The following VPS13B variants were observed in gnomAD, a reference collection of about 807,000 sequenced individuals.
VPS13B encodes the protein vacuolar protein sorting 13 homolog B.
Under a neutral mutation model 426.4 loss-of-function variants are expected in VPS13B, and 285 were observed. The ratio of observed to expected loss-of-function variants is 0.67; its 90% CI spans 0.61 to 0.74. The LOEUF is 0.74. VPS13B is among the 30% of genes least tolerant of loss of function. VPS13B has a pLI of 0.00. For synonymous variants in VPS13B, 1,676 were observed against 1,676.4 expected, an observed-to-expected ratio of 1.00 and a Z score of 0.01; for missense variants, 4,537 against 4,782.6, an observed-to-expected ratio of 0.95 and a Z score of 1.51.
At chr8:99,735,890 G>C (rs1052805475) in intron 39 of VPS13B, among the ~76,000 whole-genome samples, 4 of 152,182 alleles carry the variant, frequency 2.6e-5, no homozygotes. Flanking sequence ...GATCACCACT[G>C]ACTTGAAGAG....
At chr8:99,547,696 T>C (rs1824064091) in intron 30 of VPS13B, among the ~76,000 whole-genome samples, 1 of 152,140 alleles carries the variant, frequency 6.6e-6, no homozygotes, top group Non-Finnish European at 1.5e-5. Flanking sequence ...CGACCAACTA[T>C]TGCAGACTTT....
chr8:99,275,214 A>G lies in VPS13B; in HGVS notation c.2784A>G (p.Thr928=). The change falls in exon 19 of 62, where the codon ACA becomes ACG. Residue 928 remains threonine, a synonymous_variant. Transcript: ENST00000357162. ...SLLAPDLMAF[T]IQVPQYIDYC... Reference sequence around the variant, plus strand: ...TAGCTCCAGATTTGATGGCCTTCACAATCCAAGTTCCACAATATATTGACT... The same window carrying G: ...TAGCTCCAGATTTGATGGCCTTCACGATCCAAGTTCCACAATATATTGACT... The G allele has an allele frequency of 6.2e-7, 1 of 1,612,930 alleles. No individual in the cohort carries two copies. Among genetic ancestry groups the G allele is most frequent in the Non-Finnish European group, 8.5e-7 (1 of 1,179,502 alleles).
intron 17 of VPS13B, chr8:99,233,464 T>C: frequency 7.4e-7 from 1 of 1,350,422 alleles, no homozygotes; most frequent in Admixed American, 1.7e-5. Flanking sequence ...ACCCACAGCC[T>C]GGGTTGGGAT....
chr8:99,816,324 A>G (rs1362528450), intron 44 of VPS13B, among the ~76,000 whole-genome samples: 1 of 151,624 alleles, frequency 6.6e-6, no homozygotes, highest in Non-Finnish European at 1.5e-5. Context: ...CTGGTCTCGA[A>G]CTCCCGACCT....
intron 51 of VPS13B, among the ~76,000 whole-genome samples, chr8:99,825,063 A>C (rs1814593333): frequency 6.6e-6 from 1 of 152,114 alleles, no homozygotes; most frequent in Non-Finnish European, 1.5e-5. Context: ...TTTATAGTAG[A>C]ATGATTTATA....
chr8:99,175,155 A>G (rs1462167877), intron 16 of VPS13B, among the ~76,000 whole-genome samples: 1 of 152,186 alleles, frequency 6.6e-6, no homozygotes, highest in African/African-American at 2.4e-5. Flanking sequence ...AACATTCTTC[A>G]GTTATTGTTG....
At chr8:99,235,145 C>T (rs1301576671) in intron 17 of VPS13B, among the ~76,000 whole-genome samples, 8 of 152,284 alleles carry the variant, frequency 5.3e-5, no homozygotes, top group Non-Finnish European at 1.0e-4. Flanking sequence ...GTATCAGCAT[C>T]TTCAGTGCTT....
At chr8:99,711,230 A>G (rs1416228385) in intron 36 of VPS13B, among the ~76,000 whole-genome samples, 3 of 152,194 alleles carry the variant, frequency 2.0e-5, no homozygotes, top group Non-Finnish European at 4.4e-5. Flanking sequence ...TGTAGCAGAC[A>G]AGGAAGGCAC....
At position 99,711,722 on chromosome 8, in the gene VPS13B, C is replaced by T. The variant is rs150415167; in HGVS notation, c.6455-5449C>T. The stretch of plus-strand genomic sequence containing the variant: ...TTAGAAATGTTCTGGGATGTCTCTT[C>T]CCCACTCAGTACTTACTGAGATTGC... On this transcript the variant is annotated intron_variant, in intron 36 of 61. Transcript: ENST00000357162. Among the ~76,000 whole-genome samples, 77 of 152,272 alleles carry T rather than the reference C, an allele frequency of 5.1e-4. 1 individual carries two copies. In the East Asian group the frequency reaches 9.4e-3, roughly 19 times the overall value.
chr8:99,819,561 A>G lies in VPS13B; in HGVS notation c.8771A>G (p.Tyr2924Cys), dbSNP rs913650107. The G allele has an allele frequency of 5.6e-6, 9 of 1,613,736 alleles. No homozygotes were observed. Among genetic ancestry groups the G allele is most frequent in the Non-Finnish European group, 7.6e-6 (9 of 1,179,812 alleles). The change falls in exon 48 of 62, where the codon TAT becomes TGT. Residue 2924 changes from tyrosine to cysteine, a missense_variant. By Grantham distance (194) the Tyr-to-Cys change is radical. This residue lies in a region of VPS13B where 4,311 missense variants were observed against 4,474.3 expected (regional missense o/e 0.96). Coordinates refer to ENST00000357162, the MANE Select transcript of VPS13B (RefSeq NM_152564.5). ...AAGTCGCTTCAACCCATATGGCCCT[A>G]TAATAAGAAGGATTCTGACAGGTAA... Reference protein sequence around the residue: ...PEKSLQPIWPYNKKDSDRNEQ... With the variant: ...PEKSLQPIWPCNKKDSDRNEQ...
At chr8:99,020,929 A>T (rs925732929) in intron 2 of VPS13B, among the ~76,000 whole-genome samples, 1 of 152,272 alleles carries the variant, frequency 6.6e-6, no homozygotes, top group Non-Finnish European at 1.5e-5. Context: ...ACATGAAGTC[A>T]TCTGGGTAAT....
chr8:99,344,474 G>C (rs1270303867), intron 19 of VPS13B, among the ~76,000 whole-genome samples: 1 of 152,098 alleles, frequency 6.6e-6, no homozygotes, highest in Non-Finnish European at 1.5e-5. Context: ...TTATAGGGTA[G>C]GTATGTCTTT....
At chr8:99,804,974 T>A (rs1171987875) in intron 43 of VPS13B, among the ~76,000 whole-genome samples, 2 of 151,990 alleles carry the variant, frequency 1.3e-5, no homozygotes, top group African/African-American at 4.8e-5. Context: ...CACTCCAGTC[T>A]GGGCAATAGA....
At chr8:99,478,962 AATTG>A (rs1288292914) in intron 24 of VPS13B, among the ~76,000 whole-genome samples, 3 of 152,106 alleles carry the variant, frequency 2.0e-5, no homozygotes, top group Admixed American at 1.3e-4. Context: ...CAGATCACTA[AATTG>A]ATTGGTGAAA....
chr8:99,619,731 T>C (rs1175561399), intron 33 of VPS13B, among the ~76,000 whole-genome samples: 2 of 151,716 alleles, frequency 1.3e-5, no homozygotes. Context: ...AATTACCGGG[T>C]GTGGTGGTGG....
intron 23 of VPS13B, among the ~76,000 whole-genome samples, chr8:99,452,303 A>C (rs1231452664): frequency 6.6e-6 from 1 of 152,086 alleles, no homozygotes; most frequent in Non-Finnish European, 1.5e-5. Flanking sequence ...AGGGCATTTC[A>C]TTTATCAGGT....
chr8:99,818,975 A>AGGGG, intron 47 of VPS13B, 87 bp downstream of exon 47: 4 of 133,540 alleles, frequency 3.0e-5, no homozygotes, highest in Admixed American at 1.2e-4. Context: ...GCGGCGGGGG[A>AGGGG]GGGGTGGGTA....
intron 3 of VPS13B, among the ~76,000 whole-genome samples, chr8:99,067,071 G>T (rs1844562111): frequency 6.6e-6 from 1 of 152,138 alleles, no homozygotes; most frequent in African/African-American, 2.4e-5. Flanking sequence ...CAACCATTGT[G>T]GAAGACAGTG....
chr8:99,476,407 ATTT>A (rs200393313), intron 24 of VPS13B, among the ~76,000 whole-genome samples: 70 of 144,044 alleles, frequency 4.9e-4, no homozygotes, highest in East Asian at 2.2e-3. Flanking sequence ...GGATGGCTTG[ATTT>A]TTTTTTTTTT....
Sources: gnomAD v4.1 joint callset for allele counts (sites outside exome capture counted in the v4.1 genomes callset) on GRCh38, gnomAD v4.1.1 for gene constraint, gnomAD v4.1.1 regional missense constraint, MANE v1.5 for transcripts, NCBI Gene and HGNC (gene_info 2026-07-23, HGNC 2026-07-21) for gene names.